DSCAM: variants seen among roughly 807,000 people sequenced by gnomAD.
DSCAM encodes the protein cell adhesion molecule DSCAM.
DSCAM carries 47 observed loss-of-function variants against 217.7 expected under a neutral mutation model. The ratio of observed to expected loss-of-function variants is 0.22; its 90% CI spans 0.17 to 0.28. The LOEUF (loss-of-function observed/expected upper bound fraction) is 0.28, where lower values mean the gene tolerates loss of function less well. DSCAM is among the 10% of genes least tolerant of loss of function. DSCAM has a pLI of 1.00. For missense variants in DSCAM, 2,080 were observed against 2,618.3 expected, an observed-to-expected ratio of 0.79 and a Z score of 4.49; for synonymous variants, 1,056 against 1,015.3, an observed-to-expected ratio of 1.04 and a Z score of -0.76.
intron 5 of DSCAM, among the ~76,000 whole-genome samples, chr21:40,352,070 A>G (rs567818720): frequency 4.6e-5 from 7 of 152,304 alleles, no homozygotes; most frequent in East Asian, 1.9e-4. Context: ...AATTTTTGCA[A>G]TCAGACCTTG....
At chr21:40,280,043 G>A (rs1371268261) in intron 10 of DSCAM, among the ~76,000 whole-genome samples, 1 of 151,906 alleles carries the variant, frequency 6.6e-6, no homozygotes, top group Admixed American at 6.6e-5. Context: ...ATAGGTTGAT[G>A]GGTGCAGCAA....
chr21:40,297,615 C>T (rs866127172), intron 9 of DSCAM, among the ~76,000 whole-genome samples: 1 of 152,126 alleles, frequency 6.6e-6, no homozygotes, highest in African/African-American at 2.4e-5. Context: ...TAGCAAGGGG[C>T]TTAGAAGCTT....
intron 27 of DSCAM, among the ~76,000 whole-genome samples, chr21:40,072,552 G>A (rs568993174): frequency 6.6e-6 from 1 of 151,940 alleles, no homozygotes; most frequent in Non-Finnish European, 1.5e-5. Context: ...GTTTCACCAT[G>A]TTAGCCAGGA....
chr21:40,035,696 A>G (rs1226397053), intron 32 of DSCAM, among the ~76,000 whole-genome samples: 4 of 150,952 alleles, frequency 2.6e-5, no homozygotes, highest in Non-Finnish European at 5.9e-5. Context: ...CTCCACCCCA[A>G]ATCAACAGAA....
intron 3 of DSCAM, among the ~76,000 whole-genome samples, chr21:40,459,475 AAGTAAAT>A (rs1488185766): frequency 2.0e-5 from 3 of 152,202 alleles, no homozygotes; most frequent in African/African-American, 4.8e-5. Context: ...AAAAAGTAAA[AAGTAAAT>A]AGGTTGCCTA....
intron 3 of DSCAM, among the ~76,000 whole-genome samples, chr21:40,465,431 T>A (rs113563939): frequency 1.1e-3 from 165 of 152,306 alleles, no homozygotes; most frequent in South Asian, 9.1e-3. Context: ...CCTTCAATGA[T>A]GAGTAAACTG....
chr21:40,489,358 T>G (rs1444013664), intron 3 of DSCAM, among the ~76,000 whole-genome samples: 1 of 152,152 alleles, frequency 6.6e-6, no homozygotes, highest in African/African-American at 2.4e-5. Flanking sequence ...CCTGCTGACT[T>G]TGAACTTAAA....
chr21:40,145,670 C>G (rs1345698914), intron 16 of DSCAM, among the ~76,000 whole-genome samples: 1 of 115,540 alleles, frequency 8.7e-6, no homozygotes, highest in Non-Finnish European at 2.2e-5. Flanking sequence ...CATGGTGAAA[C>G]CCCGTCTCTG....
chr21:40,070,919 A>G (rs2089284838), intron 27 of DSCAM, among the ~76,000 whole-genome samples: 2 of 152,258 alleles, frequency 1.3e-5, no homozygotes, highest in South Asian at 2.1e-4. Context: ...AATAATAAAC[A>G]CATTTCCATT....
chr21:40,517,228 CCA>C (rs1212451033), intron 3 of DSCAM, among the ~76,000 whole-genome samples: 2 of 147,984 alleles, frequency 1.4e-5, no homozygotes, highest in African/African-American at 5.0e-5. Context: ...ATATATGCAT[CCA>C]CACACACACC....
chr21:40,516,121 T>TACAC (rs10607888), intron 3 of DSCAM, among the ~76,000 whole-genome samples: 92 of 150,692 alleles, frequency 6.1e-4, no homozygotes, highest in Non-Finnish European at 7.7e-4. Flanking sequence ...TCCCCCACCA[T>TACAC]ACACACACAC....
intron 9 of DSCAM, among the ~76,000 whole-genome samples, chr21:40,299,995 T>C (rs966697185): frequency 5.3e-5 from 8 of 152,104 alleles, no homozygotes; most frequent in Non-Finnish European, 1.2e-4. Flanking sequence ...CCTAGTTCCA[T>C]CCTTTGACCC....
At chr21:40,283,912 G>A (rs2073794474) in intron 10 of DSCAM, among the ~76,000 whole-genome samples, 1 of 150,306 alleles carries the variant, frequency 6.7e-6, no homozygotes, top group Non-Finnish European at 1.5e-5. Context: ...TGGAAAGGAG[G>A]TCTCTTTAGC....
chr21:40,481,431 A>G (rs2075981548), intron 3 of DSCAM, among the ~76,000 whole-genome samples: 1 of 150,082 alleles, frequency 6.7e-6, no homozygotes, highest in African/African-American at 2.5e-5. Flanking sequence ...CAAAGCTTGC[A>G]GAGAATGGCG....
chr21:40,267,394 C>T (rs1018075921), intron 11 of DSCAM, among the ~76,000 whole-genome samples: 5 of 151,972 alleles, frequency 3.3e-5, no homozygotes, highest in African/African-American at 1.2e-4. Flanking sequence ...GCTCTGCTTT[C>T]GTACACTGGC....
At chr21:40,367,746 T>C (rs1466104175) in intron 4 of DSCAM, among the ~76,000 whole-genome samples, 1 of 152,196 alleles carries the variant, frequency 6.6e-6, no homozygotes, top group Non-Finnish European at 1.5e-5. Flanking sequence ...ATACTGTTAG[T>C]CCTGAATGCT....
At chr21:40,515,290 G>T (rs1199855587) in intron 3 of DSCAM, among the ~76,000 whole-genome samples, 1 of 151,998 alleles carries the variant, frequency 6.6e-6, no homozygotes, top group Non-Finnish European at 1.5e-5. Flanking sequence ...ATATATAAAC[G>T]AAGGAACAGT....
intron 11 of DSCAM, among the ~76,000 whole-genome samples, chr21:40,214,635 A>G (rs1193292745): frequency 6.6e-6 from 1 of 151,970 alleles, no homozygotes; most frequent in Non-Finnish European, 1.5e-5. Flanking sequence ...CTTATAGACT[A>G]CAGGTAAAGG....
chr21:40,014,640 C>CGCCTT (rs1219596745), intron 32 of DSCAM, among the ~76,000 whole-genome samples: 4 of 152,168 alleles, frequency 2.6e-5, no homozygotes, highest in Non-Finnish European at 4.4e-5. Flanking sequence ...GTGCCTCCAA[C>CGCCTT]CAATCCCTCC....
Sources: allele counts gnomAD v4.1 joint callset (sites outside exome capture counted in the v4.1 genomes callset), GRCh38; gene constraint gnomAD v4.1.1; transcripts MANE v1.5; gene names NCBI Gene and HGNC (gene_info 2026-07-23, HGNC 2026-07-21).